Variants in NKAIN2 observed in about 807,000 individuals in gnomAD.
NKAIN2 encodes sodium/potassium-transporting ATPase subunit beta-1-interacting protein 2.
NKAIN2 carries 14 observed loss-of-function variants against 32.6 expected under a neutral mutation model. That is an observed-to-expected ratio of 0.43 (90% confidence interval 0.28 to 0.67). The LOEUF (loss-of-function observed/expected upper bound fraction) is 0.67, where lower values mean the gene tolerates loss of function less well. Among genes scored for constraint, NKAIN2 ranks in the 30% least tolerant of loss-of-function variants. The probability of loss-of-function intolerance (pLI) is 0.17; values close to 1 mark genes in which losing one functional copy is unlikely to be tolerated. For synonymous variants in NKAIN2, 80 were observed against 87.2 expected (o/e 0.92, Z 0.46); for missense variants, 198 against 258.3 (o/e 0.77, Z 1.60).
At chr6:124,441,446 G>A (rs1025983462) in intron 3 of NKAIN2, among the ~76,000 whole-genome samples, 3 of 152,042 alleles carry the variant, frequency 2.0e-5, no homozygotes, top group Non-Finnish European at 2.9e-5. Flanking sequence ...CAGGAGTGAA[G>A]TTACGTGACT....
intron 3 of NKAIN2, among the ~76,000 whole-genome samples, chr6:124,550,698 A>G (rs1352687714): frequency 6.6e-6 from 1 of 152,146 alleles, no homozygotes; most frequent in African/African-American, 2.4e-5. Context: ...TTAGGAACAC[A>G]GTTATTGAGA....
At position 124,035,972 on chromosome 6, in the gene NKAIN2, A is replaced by G. The variant is rs148863915; in HGVS notation, c.54+231718A>G. Among the ~76,000 whole-genome samples, 236 of 152,222 alleles carry G rather than the reference A, an allele frequency of 1.6e-3. 3 individuals are homozygous for G. Among genetic ancestry groups the G allele is most frequent in the African/African-American group, 5.4e-3 (223 of 41,564 alleles). On this transcript the variant is annotated intron_variant, in intron 1 of 6. Transcript: ENST00000368417. ...GAAAATGACAACTGTTTTGAAAAGCATGCCATTGTGATAACATAAACTCAG... is the reference window on the plus strand; with the variant it reads ...GAAAATGACAACTGTTTTGAAAAGCGTGCCATTGTGATAACATAAACTCAG...
intron 2 of NKAIN2, among the ~76,000 whole-genome samples, chr6:124,317,642 C>A (rs1251328037): frequency 6.6e-6 from 1 of 151,954 alleles, no homozygotes; most frequent in Non-Finnish European, 1.5e-5. Flanking sequence ...ACTATTTTAA[C>A]ATAAACTGGA....
chr6:123,966,096 G>A (rs901854217), intron 1 of NKAIN2, among the ~76,000 whole-genome samples: 1 of 152,256 alleles, frequency 6.6e-6, no homozygotes, highest in East Asian at 1.9e-4. Context: ...ATTTCAGTGG[G>A]CATGATTCCG....
At chr6:124,374,490 G>T (rs1259285728) in intron 3 of NKAIN2, among the ~76,000 whole-genome samples, 1 of 152,154 alleles carries the variant, frequency 6.6e-6, no homozygotes, top group African/African-American at 2.4e-5. Context: ...AGCCAACATA[G>T]CCATTTGCTT....
At chr6:124,628,338 T>C (rs1241953814) in intron 3 of NKAIN2, among the ~76,000 whole-genome samples, 1 of 152,208 alleles carries the variant, frequency 6.6e-6, no homozygotes, top group Non-Finnish European at 1.5e-5. Flanking sequence ...TTATGTTGTT[T>C]GACTAAATAT....
At chr6:124,115,166 CTA>C (rs1196338993) in intron 1 of NKAIN2, among the ~76,000 whole-genome samples, 1 of 151,898 alleles carries the variant, frequency 6.6e-6, no homozygotes, top group Non-Finnish European at 1.5e-5. Context: ...TAACGTTAGG[CTA>C]TATATATGGA....
intron 3 of NKAIN2, among the ~76,000 whole-genome samples, chr6:124,453,957 A>G (rs1467290796): frequency 1.3e-5 from 2 of 152,114 alleles, no homozygotes; most frequent in African/African-American, 4.8e-5. Context: ...ATGACAAAAT[A>G]ACTTTAAAGC....
At chr6:124,733,673 G>A (rs1776794558) in intron 4 of NKAIN2, among the ~76,000 whole-genome samples, 1 of 151,794 alleles carries the variant, frequency 6.6e-6, no homozygotes, top group Admixed American at 6.6e-5. Context: ...AGGCTAGAAT[G>A]ATCCATGGGG....
chr6:124,411,046 C>T (rs1293086750), intron 3 of NKAIN2, among the ~76,000 whole-genome samples: 4 of 151,838 alleles, frequency 2.6e-5, no homozygotes, highest in African/African-American at 7.3e-5. Context: ...AGATCTTCCT[C>T]CATCCCTTTA....
chr6:124,191,735 G>A (rs1340464697), intron 1 of NKAIN2, among the ~76,000 whole-genome samples: 1 of 152,050 alleles, frequency 6.6e-6, no homozygotes, highest in African/African-American at 2.4e-5. Context: ...TTTCCAGATG[G>A]CTTTACAAAG....
In NKAIN2 at chr6:124,210,925, T is replaced by C. The variant is rs567052942; in HGVS notation, c.55-72080T>C. Among the ~76,000 whole-genome samples the C allele has an allele frequency of 8.1e-4, 122 of 150,524 alleles. 1 individual carries two copies. The highest frequency in any genetic ancestry group is 2.9e-3 in the African/African-American group (118 of 40,208). ...ACTTCCTCCTTTCCAATTTAGATAC[T>C]CTTTATTTACTTATCTTCTCTAATT... On this transcript the variant is annotated intron_variant, in intron 1 of 6. Transcript: ENST00000368417.
At chr6:124,014,126 A>G (rs1201188284) in intron 1 of NKAIN2, among the ~76,000 whole-genome samples, 2 of 152,214 alleles carry the variant, frequency 1.3e-5, no homozygotes, top group Non-Finnish European at 2.9e-5. Flanking sequence ...CCATTAAACA[A>G]GCAATGTTTT....
intron 1 of NKAIN2, among the ~76,000 whole-genome samples, chr6:124,170,644 T>C (rs548207519): frequency 3.3e-5 from 5 of 152,352 alleles, no homozygotes; most frequent in African/African-American, 1.2e-4. Context: ...AATCCTTTGA[T>C]ATTTTCTATA....
At chr6:124,348,722 C>T (rs1211621317) in intron 2 of NKAIN2, among the ~76,000 whole-genome samples, 1 of 152,200 alleles carries the variant, frequency 6.6e-6, no homozygotes, top group Non-Finnish European at 1.5e-5. Context: ...GTTCATCTCA[C>T]TAGGGAGTGC....
intron 4 of NKAIN2, among the ~76,000 whole-genome samples, chr6:124,783,127 A>G (rs912452094): frequency 1.3e-5 from 2 of 152,186 alleles, no homozygotes; most frequent in African/African-American, 4.8e-5. Context: ...AAACCCTGAG[A>G]GAGGTATTAA....
At chr6:124,384,750 C>G (rs370369306) in intron 3 of NKAIN2, among the ~76,000 whole-genome samples, 4 of 149,526 alleles carry the variant, frequency 2.7e-5, no homozygotes, top group African/African-American at 7.3e-5. Context: ...ACTTCAGCCT[C>G]CTGGGTAGGA....
At chr6:124,740,489 G>GA (rs1024204959) in intron 4 of NKAIN2, among the ~76,000 whole-genome samples, 18 of 137,048 alleles carry the variant, frequency 1.3e-4, no homozygotes, top group East Asian at 6.5e-4. Context: ...TAGGTGCTAT[G>GA]AAAAAAAAAC....
chr6:124,262,621 TA>T (rs1193117273), intron 1 of NKAIN2, among the ~76,000 whole-genome samples: 2 of 152,178 alleles, frequency 1.3e-5, no homozygotes, highest in Non-Finnish European at 2.9e-5. Context: ...AGCCAAAAGC[TA>T]AAGGGATTTA....
Sources: gnomAD v4.1 joint callset for allele counts (sites outside exome capture counted in the v4.1 genomes callset) on GRCh38, gnomAD v4.1.1 for gene constraint, MANE v1.5 for transcripts, NCBI Gene and HGNC (gene_info 2026-07-23, HGNC 2026-07-21) for gene names.